Variants in GSE1 observed in about 807,000 individuals in gnomAD.
The protein encoded by GSE1 is genetic suppressor element 1.
A neutral mutation model predicts 112.6 loss-of-function variants in GSE1; 32 were observed. The observed-to-expected ratio is 0.28, with a 90% CI of 0.21 to 0.38. The LOEUF (loss-of-function observed/expected upper bound fraction) is 0.38. GSE1 is among the 10% of genes least tolerant of loss of function. GSE1 has a pLI of 1.00. For missense variants in GSE1, 2,348 were observed against 1,699.2 expected, an observed-to-expected ratio of 1.38 and a Z score of -6.71; for synonymous variants, 1,115 against 735.6, an observed-to-expected ratio of 1.52 and a Z score of -8.35.
At chr16:85,377,320 G>A (rs780622693) in intron 2 of GSE1, among the ~76,000 whole-genome samples, 12 of 152,284 alleles carry the variant, frequency 7.9e-5, no homozygotes, top group South Asian at 4.1e-4. Context: ...CCAGTGGTTC[G>A]GGTCTGGCCT....
chr16:85,619,797 A>G (rs1027889639), intron 1 of GSE1, among the ~76,000 whole-genome samples: 11 of 152,224 alleles, frequency 7.2e-5, no homozygotes, highest in Admixed American at 1.3e-4. Context: ...CTAGGCAGGG[A>G]TTATCCCCAT....
At position 85,648,618 on chromosome 16, in the gene GSE1, G is replaced by C; in HGVS notation, c.293G>C (p.Ser98Thr). The change falls in exon 3 of 16, where the codon AGC (serine) becomes ACC (threonine). Residue 98 changes from serine (S) to threonine (T), a missense_variant. Physicochemically the swap from Ser to Thr is moderately conservative, Grantham distance 58 (BLOSUM62 1). Coordinates refer to ENST00000253458, the MANE Select transcript of GSE1 (RefSeq NM_014615.5). ...GCCACCAACCACAGCTCCCCCGCCA[G>C]CACACCCAAGCGCGTGCCCATGGGC... The part of the protein sequence containing the change: ...SPATNHSSPA[S>T]TPKRVPMGPI... The C allele has an allele frequency of 6.2e-7, 1 of 1,606,788 alleles. No homozygotes were observed. The highest frequency in any genetic ancestry group is 8.5e-7 in the Non-Finnish European group (1 of 1,176,354).
chr16:85,618,384 C>T (rs552587578), intron 1 of GSE1, among the ~76,000 whole-genome samples: 2 of 152,186 alleles, frequency 1.3e-5, no homozygotes, highest in African/African-American at 4.8e-5. Context: ...ATGACAGATG[C>T]GGGTGAGGGT....
At chr16:85,184,469 G>A (rs973906497) in intron 1 of GSE1, among the ~76,000 whole-genome samples, 10 of 152,176 alleles carry the variant, frequency 6.6e-5, no homozygotes, top group African/African-American at 2.2e-4. Context: ...TAAGAAGGGG[G>A]CCAGGCACTG....
At position 85,514,438 on chromosome 16, in the gene GSE1, C is replaced by G. The variant is rs867585450; in HGVS notation, c.2465-119476C>G. ...GCATGCTCTCGAGTCCCCCCCCCCA[C>G]CCCAGGGCAGCTCCTGGGGCATCCT... is the stretch of plus-strand genomic sequence containing the variant. On this transcript the variant is annotated intron_variant, in intron 2 of 2. Transcript: ENST00000637419. Among the ~76,000 whole-genome samples the G allele has an allele frequency of 5.1e-4, 26 of 50,978 alleles. 1 individual carries two copies. The East Asian group carries it at 0.026, about 52-fold the overall frequency. The allele number at this position is 50,978 out of a possible 152,430, so 33.4% of individuals were successfully genotyped here.
intron 1 of GSE1, among the ~76,000 whole-genome samples, chr16:85,251,192 C>T (rs1010220940): frequency 6.6e-6 from 1 of 152,212 alleles, no homozygotes; most frequent in African/African-American, 2.4e-5. Context: ...TTGGGCACCT[C>T]CGTGTGTGAG....
chr16:85,176,561 T>C (rs1006705146), intron 1 of GSE1, among the ~76,000 whole-genome samples: 3 of 152,252 alleles, frequency 2.0e-5, no homozygotes, highest in African/African-American at 7.2e-5. Context: ...GTCTGCTGCA[T>C]GATGGATTGG....
At chr16:85,517,837 T>C (rs2052004323) in intron 2 of GSE1, among the ~76,000 whole-genome samples, 2 of 152,204 alleles carry the variant, frequency 1.3e-5, no homozygotes, top group South Asian at 4.1e-4. Context: ...TAAAGCAGGC[T>C]CCGCCGTGAA....
At chr16:85,441,146 C>T (rs941997982) in intron 2 of GSE1, among the ~76,000 whole-genome samples, 4 of 152,172 alleles carry the variant, frequency 2.6e-5, no homozygotes, top group Non-Finnish European at 5.9e-5. Flanking sequence ...TTCTCAGCCT[C>T]GGCACTGTTG....
upstream of GSE1, chr16:85,613,080 G>A (rs2048099026): frequency 1.6e-6 from 1 of 622,048 alleles, no homozygotes; most frequent in South Asian, 2.9e-5. Flanking sequence ...CTGGGCGGGT[G>A]GATCCGGGCG....
chr16:85,517,076 C>T lies in GSE1; in HGVS notation c.2465-116838C>T, dbSNP rs544346599. Among the ~76,000 whole-genome samples, 6 of 152,306 alleles carry T rather than the reference C, an allele frequency of 3.9e-5. No individual in the cohort carries two copies. The South Asian group carries it at 6.2e-4, about 16-fold the overall frequency. On this transcript the variant is annotated intron_variant, in intron 2 of 2. Transcript: ENST00000637419. ...CCTCCCAAAGTGCTGGCATCACAGGCGTGAGCCACCGCGCCCGGCCATGTC... is the reference window on the plus strand; with the variant it reads ...CCTCCCAAAGTGCTGGCATCACAGGTGTGAGCCACCGCGCCCGGCCATGTC...
At chr16:85,359,353 G>C in intron 2 of GSE1, 1 of 455,900 alleles carries the variant, frequency 2.2e-6, no homozygotes. Context: ...TTTGGGCAGA[G>C]CCCTGCCCCA....
intron 4 of GSE1, 150 bp from the exon 5 acceptor site, chr16:85,654,644 C>A (rs535622252): frequency 4.2e-6 from 3 of 713,548 alleles, no homozygotes; most frequent in African/African-American, 3.5e-5. Context: ...CTCGCTCCCC[C>A]CGCTGCTTAA....
At chr16:85,656,923 C>T (rs1025888152) in intron 7 of GSE1, among the ~76,000 whole-genome samples, 10 of 152,210 alleles carry the variant, frequency 6.6e-5, no homozygotes, top group African/African-American at 1.7e-4. Context: ...TTGAGTGCTT[C>T]GTTGATTTTA....
At chr16:85,423,119 A>C (rs1421376536) in intron 2 of GSE1, among the ~76,000 whole-genome samples, 2 of 152,218 alleles carry the variant, frequency 1.3e-5, no homozygotes, top group African/African-American at 4.8e-5. Context: ...CCCAGGAACC[A>C]GATCCTCATC....
At chr16:85,424,868 A>G (rs1027688992) in intron 2 of GSE1, among the ~76,000 whole-genome samples, 1 of 152,260 alleles carries the variant, frequency 6.6e-6, no homozygotes, top group Admixed American at 6.5e-5. Flanking sequence ...GATCAGTGGA[A>G]AAATCATCAC....
At chr16:85,420,919 G>A (rs1247261687) in intron 2 of GSE1, among the ~76,000 whole-genome samples, 1 of 152,172 alleles carries the variant, frequency 6.6e-6, no homozygotes, top group African/African-American at 2.4e-5. Context: ...CCCGCGGTGT[G>A]AGACCGCGCT....
chr16:85,564,041 C>T (rs1036562801), intron 1 of GSE1, among the ~76,000 whole-genome samples: 11 of 152,200 alleles, frequency 7.2e-5, no homozygotes, highest in East Asian at 1.9e-4. Context: ...CCGGGCACTG[C>T]GCTGCGTCAG....
At chr16:85,612,899 G>A (rs1280907447), upstream of GSE1, among the ~76,000 whole-genome samples, 1 of 151,110 alleles carries the variant, frequency 6.6e-6, no homozygotes, top group Non-Finnish European at 1.5e-5. Flanking sequence ...CGCTCACGTG[G>A]CGAGGGTGCT....
Sources: gnomAD v4.1 joint callset for allele counts (sites outside exome capture counted in the v4.1 genomes callset) on GRCh38, gnomAD v4.1.1 for gene constraint, MANE v1.5 for transcripts, NCBI Gene and HGNC (gene_info 2026-07-23, HGNC 2026-07-21) for gene names.